CSMD2: variants seen among roughly 807,000 people sequenced by gnomAD.
CSMD2 encodes the protein CUB and Sushi multiple domains 2.
A neutral mutation model predicts 398.5 loss-of-function variants in CSMD2; 130 were observed. The ratio of observed to expected loss-of-function variants is 0.33; its 90% CI spans 0.28 to 0.38. CSMD2 has a LOEUF of 0.38. Among genes scored for constraint, CSMD2 ranks in the 10% least tolerant of loss-of-function variants. The probability of loss-of-function intolerance (pLI) is 1.00; values close to 1 mark genes in which losing one functional copy is unlikely to be tolerated. For missense variants in CSMD2, 3,829 were observed against 4,764.9 expected (o/e 0.80, Z 5.78); for synonymous variants, 1,828 against 1,908.5 (o/e 0.96, Z 1.10).
chr1:33,796,212 A>T (rs991650078), intron 10 of CSMD2, among the ~76,000 whole-genome samples: 2 of 152,198 alleles, frequency 1.3e-5, no homozygotes, highest in African/African-American at 4.8e-5. Context: ...ATGCGATTTC[A>T]TCACTCCAAG....
At chr1:33,940,000 T>C (rs1644613185) in intron 3 of CSMD2, among the ~76,000 whole-genome samples, 1 of 152,232 alleles carries the variant, frequency 6.6e-6, no homozygotes, top group African/African-American at 2.4e-5. Flanking sequence ...ACTAGGTGGC[T>C]GAAAACAACA....
intron 2 of CSMD2, among the ~76,000 whole-genome samples, chr1:34,088,519 A>G (rs1448252442): frequency 1.3e-5 from 2 of 152,164 alleles, no homozygotes; most frequent in Non-Finnish European, 2.9e-5. Context: ...GAACTCCCCC[A>G]AATTCCAGAG....
chr1:33,613,496 T>C (rs984424432), intron 40 of CSMD2, among the ~76,000 whole-genome samples: 2 of 152,178 alleles, frequency 1.3e-5, no homozygotes, highest in African/African-American at 4.8e-5. Flanking sequence ...CAGAAGATGG[T>C]ACTGAACAGA....
At chr1:33,913,538 C>T (rs1032591225) in intron 5 of CSMD2, among the ~76,000 whole-genome samples, 2 of 152,310 alleles carry the variant, frequency 1.3e-5, no homozygotes, top group South Asian at 2.1e-4. Context: ...GCAGTTGCCA[C>T]GTTTCACCCT....
At position 33,825,679 on chromosome 1, in the gene CSMD2, T is replaced by A; in HGVS notation, c.1111+18A>T. The A allele has an allele frequency of 6.4e-7, 1 of 1,573,748 alleles. No individual in the cohort carries two copies. The highest frequency in any genetic ancestry group is 8.6e-7 in the Non-Finnish European group (1 of 1,160,226). On this transcript the variant is annotated intron_variant, in intron 7 of 70. Coordinates refer to ENST00000373381, the MANE Select transcript of CSMD2 (RefSeq NM_001281956.2). ...CAAGCAAGAGGCCCGGCAGGCGGGC[T>A]GGCGGGCGGACACTTACACACAGAC...
chr1:33,973,956 T>C (rs1386140951), intron 3 of CSMD2, among the ~76,000 whole-genome samples: 1 of 152,176 alleles, frequency 6.6e-6, no homozygotes, highest in African/African-American at 2.4e-5. Flanking sequence ...TGCCCTCTGC[T>C]CAGCCACATG....
intron 3 of CSMD2, among the ~76,000 whole-genome samples, chr1:33,981,676 A>T (rs1646171680): frequency 1.3e-5 from 2 of 152,324 alleles, no homozygotes; most frequent in Admixed American, 1.3e-4. Flanking sequence ...CATGAAGGAG[A>T]CAGGTGCTCA....
chr1:33,563,742 T>G (rs1658792612), intron 53 of CSMD2, among the ~76,000 whole-genome samples: 1 of 151,946 alleles, frequency 6.6e-6, no homozygotes, highest in South Asian at 2.1e-4. Context: ...AGAACGTAGG[T>G]AGGGGCGATG....
At chr1:33,616,513 C>T (rs1405937554) in intron 39 of CSMD2, among the ~76,000 whole-genome samples, 1 of 152,216 alleles carries the variant, frequency 6.6e-6, no homozygotes, top group African/African-American at 2.4e-5. Context: ...GCTGGGATTA[C>T]AGGCATGAGC....
intron 26 of CSMD2, among the ~76,000 whole-genome samples, chr1:33,662,305 C>T (rs1644163535): frequency 6.6e-6 from 1 of 152,166 alleles, no homozygotes; most frequent in Non-Finnish European, 1.5e-5. Context: ...TTATTCATAA[C>T]CATGCCCCAA....
In CSMD2 at chr1:34,102,655, ACCATATCCCTGTAATCCGG is replaced by A. The variant is rs199605823; in HGVS notation, c.188-13481_188-13463del. 2.3e-3 allele frequency among the ~76,000 whole-genome samples: 174 copies of A among 74,678 alleles called. 1 individual carries two copies. Among genetic ancestry groups the A allele is most frequent in the African/African-American group, 4.0e-3 (85 of 21,222 alleles). 49.0% of individuals were successfully genotyped at this position (74,678 alleles called of 152,430 possible). On this transcript the variant is annotated intron_variant, in intron 1 of 70. Transcript: ENST00000373381. The stretch of plus-strand genomic sequence containing the variant: ...AATCCGGCCATATCCCTGTAATCCA[ACCATATCCCTGTAATCCGG>A]CCATATCCCTGTAATCCGGCCATGC...
chr1:33,691,638 T>C (rs1177387797), intron 25 of CSMD2, among the ~76,000 whole-genome samples: 1 of 152,186 alleles, frequency 6.6e-6, no homozygotes, highest in East Asian at 1.9e-4. Flanking sequence ...TTCCAAATCC[T>C]TAGCACTTAC....
At chr1:34,045,070 CA>C (rs1558295438) in intron 2 of CSMD2, among the ~76,000 whole-genome samples, 75 of 151,588 alleles carry the variant, frequency 4.9e-4, no homozygotes, top group African/African-American at 1.7e-3. Flanking sequence ...CACACACACA[CA>C]CACACACCCC....
chr1:33,935,105 T>C (rs764415332), intron 4 of CSMD2, among the ~76,000 whole-genome samples: 6 of 149,832 alleles, frequency 4.0e-5, no homozygotes, highest in Non-Finnish European at 8.9e-5. Flanking sequence ...AGGAATAGGC[T>C]GGGAGTAGAG....
chr1:33,870,415 G>A (rs1640375705), intron 5 of CSMD2: 1 of 152,102 alleles, frequency 6.6e-6, no homozygotes, highest in Non-Finnish European at 1.5e-5. Flanking sequence ...AAGGGGATAC[G>A]ACCCTTCAGG....
At chr1:34,037,896 A>G (rs1262800582) in intron 2 of CSMD2, among the ~76,000 whole-genome samples, 1 of 152,224 alleles carries the variant, frequency 6.6e-6, no homozygotes, top group Admixed American at 6.5e-5. Context: ...GCTAATGTAC[A>G]CTGTCAACAA....
At chr1:33,829,949 CG>C (rs1281101450) in intron 6 of CSMD2, among the ~76,000 whole-genome samples, 2 of 151,976 alleles carry the variant, frequency 1.3e-5, no homozygotes, top group African/African-American at 4.8e-5. Context: ...AGCAGCAAGG[CG>C]GGGGGAGGGG....
intron 2 of CSMD2, among the ~76,000 whole-genome samples, chr1:34,049,523 C>T (rs777122954): frequency 5.3e-5 from 8 of 152,198 alleles, no homozygotes; most frequent in Middle Eastern, 6.8e-3. Flanking sequence ...CTGGGTTTTG[C>T]CCCCCAACCC....
intron 25 of CSMD2, among the ~76,000 whole-genome samples, chr1:33,682,802 C>T (rs915807261): frequency 2.6e-5 from 4 of 152,060 alleles, no homozygotes; most frequent in South Asian, 2.1e-4. Flanking sequence ...TCTAGAGCCC[C>T]GAATTACTTT....
Sources: allele counts gnomAD v4.1 joint callset (sites outside exome capture counted in the v4.1 genomes callset), GRCh38; gene constraint gnomAD v4.1.1; transcripts MANE v1.5; gene names NCBI Gene and HGNC (gene_info 2026-07-23, HGNC 2026-07-21).